The following SLC9A9 variants were observed in gnomAD, a reference collection of about 807,000 sequenced individuals.
SLC9A9 encodes sodium/hydrogen exchanger 9.
SLC9A9 carries 62 observed loss-of-function variants against 77.8 expected under a neutral mutation model. That is an observed-to-expected ratio of 0.80 (90% confidence interval 0.65 to 0.98). The LOEUF (loss-of-function observed/expected upper bound fraction) is 0.98. Ranked by LOEUF, SLC9A9 falls within the 50% of genes least tolerant of loss-of-function variation. SLC9A9 has a pLI of 0.00. For missense variants in SLC9A9, 775 were observed against 774.9 expected (o/e 1.00, Z 0.00); for synonymous variants, 320 against 283.5 (o/e 1.13, Z -1.29).
At chr3:143,768,139 CACTG>C (rs1306854394) in intron 4 of SLC9A9, among the ~76,000 whole-genome samples, 1 of 152,138 alleles carries the variant, frequency 6.6e-6, no homozygotes, top group Non-Finnish European at 1.5e-5. Flanking sequence ...ACACAGGGCT[CACTG>C]ACTGACTGCC....
rs191054253 is a variant in SLC9A9, at chr3:143,799,008, C to G, written c.379-2105G>C. Among the ~76,000 whole-genome samples the G allele has an allele frequency of 4.1e-3, 619 of 152,324 alleles. 4 individuals are homozygous for G. The highest frequency in any genetic ancestry group is 7.0e-3 in the Non-Finnish European group (475 of 68,026). On this transcript the variant is annotated intron_variant, in intron 2 of 15. Transcript: ENST00000316549. ...CCCTATAATCCTTTTATCACCTCCC[C>G]TCCTCACACCTGGTCTGGCTTACGG...
At chr3:143,470,490 A>AG (rs892285920) in intron 11 of SLC9A9, among the ~76,000 whole-genome samples, 4 of 151,728 alleles carry the variant, frequency 2.6e-5, no homozygotes, top group African/African-American at 9.7e-5. Context: ...CAAAAAAAAA[A>AG]AAAAGAAAAG....
chr3:143,345,673 T>A (rs78109660), intron 14 of SLC9A9, among the ~76,000 whole-genome samples: 3,936 of 152,230 alleles, frequency 0.026, 194 homozygotes, highest in African/African-American at 0.089. Context: ...CAATAATAGA[T>A]AAGGGAACCA....
chr3:143,562,621 A>T (rs1374313308), intron 8 of SLC9A9, among the ~76,000 whole-genome samples: 1 of 151,632 alleles, frequency 6.6e-6, no homozygotes, highest in African/African-American at 2.4e-5. Context: ...TAGGCCTAGT[A>T]TACATAAAAT....
intron 8 of SLC9A9, among the ~76,000 whole-genome samples, chr3:143,569,990 G>A (rs1279889382): frequency 6.7e-6 from 1 of 149,258 alleles, no homozygotes; most frequent in Non-Finnish European, 1.5e-5. Flanking sequence ...TTTTTTTTTA[G>A]AGACAGGGTC....
chr3:143,847,574 T>C (rs1359355079), intron 1 of SLC9A9: 1 of 153,898 alleles, frequency 6.5e-6, no homozygotes, highest in East Asian at 1.9e-4. Context: ...AAGTAAAAAG[T>C]ACTGCATAAA....
At chr3:143,628,999 C>A (rs143948997) in intron 6 of SLC9A9, among the ~76,000 whole-genome samples, 1 of 152,170 alleles carries the variant, frequency 6.6e-6, no homozygotes, top group Non-Finnish European at 1.5e-5. Flanking sequence ...GCTACACTAT[C>A]GAAATTTAAC....
chr3:143,815,327 A>G (rs920971811), intron 2 of SLC9A9, among the ~76,000 whole-genome samples: 3 of 152,150 alleles, frequency 2.0e-5, no homozygotes, highest in Non-Finnish European at 4.4e-5. Flanking sequence ...CTTGTCAAAG[A>G]AATGGGTCAG....
chr3:143,711,178 G>C (rs750840663), intron 4 of SLC9A9, among the ~76,000 whole-genome samples: 2 of 152,100 alleles, frequency 1.3e-5, no homozygotes, highest in African/African-American at 4.8e-5. Flanking sequence ...AATCTAGAAC[G>C]GAGAGCTTCA....
At chr3:143,824,099 T>A (rs188191246) in intron 2 of SLC9A9, among the ~76,000 whole-genome samples, 24 of 152,314 alleles carry the variant, frequency 1.6e-4, no homozygotes, top group Non-Finnish European at 2.8e-4. Context: ...AAAGTGGCCA[T>A]GGTACCTCAT....
chr3:143,265,573 G>A lies in SLC9A9; in HGVS notation c.*1129C>T. ...TTTTTCGAGTCTAATATGAACATCT[G>A]GATTTCAAGAGGTGCTAGGCTTGAG... On this transcript the variant is annotated 3_prime_UTR_variant, in exon 16 of 16. Transcript: ENST00000316549. 3.7e-6 allele frequency: 1 copy of A among 270,322 alleles called. No homozygotes were observed. The highest frequency in any genetic ancestry group is 1.0e-3 in the Middle Eastern group (1 of 956). 16.7% of individuals were successfully genotyped at this position (270,322 alleles called of 1,614,324 possible).
At chr3:143,717,735 A>T (rs983113069) in intron 4 of SLC9A9, among the ~76,000 whole-genome samples, 1 of 152,138 alleles carries the variant, frequency 6.6e-6, no homozygotes, top group Non-Finnish European at 1.5e-5. Context: ...ACCAAGATGC[A>T]CCCCATTTGT....
intron 12 of SLC9A9, among the ~76,000 whole-genome samples, chr3:143,405,994 C>G (rs571789767): frequency 6.6e-6 from 1 of 152,130 alleles, no homozygotes; most frequent in Admixed American, 6.5e-5. Flanking sequence ...GAATGTCTGC[C>G]AAGCTCTGCA....
chr3:143,310,542 A>G (rs2030979926), intron 14 of SLC9A9, among the ~76,000 whole-genome samples: 1 of 152,010 alleles, frequency 6.6e-6, no homozygotes, highest in Admixed American at 6.6e-5. Context: ...AAAAAAAAAA[A>G]AAGCCCGAAT....
At position 143,279,328 on chromosome 3, in the gene SLC9A9, A is replaced by T. The variant is rs74527708; in HGVS notation, c.1605-10348T>A. 7.1e-3 allele frequency among the ~76,000 whole-genome samples: 1,085 copies of T among 152,310 alleles called. 13 individuals are homozygous for T. Among genetic ancestry groups the T allele is most frequent in the African/African-American group, 0.025 (1,043 of 41,564 alleles). On this transcript the variant is annotated intron_variant, in intron 14 of 15. Coordinates refer to ENST00000316549, the MANE Select transcript of SLC9A9 (RefSeq NM_173653.4). Reference sequence around the variant, plus strand: ...AAGATTTCAAGTGAGAACTTACACAATTAGGGTCCTGCCATAGGAATGACC... The same window carrying T: ...AAGATTTCAAGTGAGAACTTACACATTTAGGGTCCTGCCATAGGAATGACC...
chr3:143,495,400 T>A lies in SLC9A9; in HGVS notation c.1138A>T (p.Met380Leu). 6.2e-7 allele frequency: 1 copy of A among 1,614,168 alleles called. No homozygotes were observed. Reference sequence around the variant, plus strand: ...TGGAACGTGAACAGTGCCAGGCCCATGTAACAGAAGATGACGTTCTCCGCC... The same window carrying A: ...TGGAACGTGAACAGTGCCAGGCCCAAGTAACAGAAGATGACGTTCTCCGCC... Reference protein sequence around the residue: ...FLAENVIFCYMGLALFTFQNH... With the variant: ...FLAENVIFCYLGLALFTFQNH... Residue 380 changes from methionine (M) to leucine (L), a missense_variant, in exon 10 of 16, where the codon ATG becomes TTG. Transcript: ENST00000316549.
chr3:143,596,017 G>A (rs749320401), intron 6 of SLC9A9, among the ~76,000 whole-genome samples: 1 of 152,136 alleles, frequency 6.6e-6, no homozygotes, highest in African/African-American at 2.4e-5. Flanking sequence ...ACCAGGATGA[G>A]ATGGAGGGTT....
intron 4 of SLC9A9, among the ~76,000 whole-genome samples, chr3:143,772,257 C>T (rs1252207937): frequency 6.6e-6 from 1 of 152,124 alleles, no homozygotes; most frequent in Non-Finnish European, 1.5e-5. Flanking sequence ...CAACCAAGAG[C>T]AGAGGGCTCT....
chr3:143,425,685 A>C (rs1226605200), intron 12 of SLC9A9, among the ~76,000 whole-genome samples: 1 of 152,182 alleles, frequency 6.6e-6, no homozygotes, highest in African/African-American at 2.4e-5. Context: ...CATCTCCACT[A>C]ATCAAATTCA....
Sources: allele counts gnomAD v4.1 joint callset (sites outside exome capture counted in the v4.1 genomes callset), GRCh38; gene constraint gnomAD v4.1.1; transcripts MANE v1.5; gene names NCBI Gene and HGNC (gene_info 2026-07-23, HGNC 2026-07-21).